The following GPR137C variants were observed in gnomAD, a reference collection of about 807,000 sequenced individuals.
GPR137C encodes the protein G protein-coupled receptor 137C.
A neutral mutation model predicts 43.4 loss-of-function variants in GPR137C; 27 were observed. That is an observed-to-expected ratio of 0.62 (90% confidence interval 0.46 to 0.86). GPR137C has a LOEUF of 0.86. Ranked by LOEUF, GPR137C falls within the 40% of genes least tolerant of loss-of-function variation. GPR137C has a pLI of 0.00. For missense variants in GPR137C, 522 were observed against 534.6 expected (o/e 0.98, Z 0.23); for synonymous variants, 285 against 226.9 (o/e 1.26, Z -2.30).
In GPR137C at chr14:52,574,331, A is replaced by G. The variant is rs150115185; in HGVS notation, c.444+20740A>G. ...TTGGAACCAACCCAAATGCCCATCAATGATAGACTGGATAAAGAAAATGTG... is the reference window on the plus strand; with the variant it reads ...TTGGAACCAACCCAAATGCCCATCAGTGATAGACTGGATAAAGAAAATGTG... On this transcript the variant is annotated intron_variant, in intron 1 of 6. Coordinates refer to ENST00000321662, the MANE Select transcript of GPR137C (RefSeq NM_001099652.2). Among the ~76,000 whole-genome samples, 658 of 152,330 alleles carry G rather than the reference A, an allele frequency of 4.3e-3. 11 individuals carry two copies. Among genetic ancestry groups the G allele is most frequent in the African/African-American group, 0.015 (629 of 41,562 alleles).
intron 1 of GPR137C, among the ~76,000 whole-genome samples, chr14:52,554,698 A>T (rs1248745688): frequency 7.7e-6 from 1 of 130,136 alleles, no homozygotes; most frequent in Non-Finnish European, 1.6e-5. Flanking sequence ...GAATTAATGT[A>T]GTTCCAAGCA....
rs1316955182 is a variant in GPR137C, at chr14:52,635,061, T to C, written c.1236T>C (p.Cys412=). ...ATACTGCTCCTTTGCTCTTTACTTG[T>C]AGTAATTTAGATTTGAACAATCATC... is the stretch of plus-strand genomic sequence containing the variant. ...MTDTAPLLFT[C]SNLDLNNHHS... Residue 412 remains cysteine, a synonymous_variant, in exon 7 of 7, where the codon TGT becomes TGC. Coordinates refer to ENST00000321662, the MANE Select transcript of GPR137C (RefSeq NM_001099652.2). 5 of 1,606,178 alleles carry C rather than the reference T, an allele frequency of 3.1e-6. No individual in the cohort carries two copies. Among genetic ancestry groups the C allele is most frequent in the African/African-American group, 1.3e-5 (1 of 74,462 alleles).
chr14:52,573,155 A>G (rs750181183), intron 1 of GPR137C, among the ~76,000 whole-genome samples: 3 of 152,338 alleles, frequency 2.0e-5, no homozygotes, highest in Non-Finnish European at 2.9e-5. Flanking sequence ...GCCCAAAGCA[A>G]TATCTAGATT....
intron 1 of GPR137C, among the ~76,000 whole-genome samples, chr14:52,566,156 A>G (rs896188865): frequency 6.6e-6 from 1 of 152,216 alleles, no homozygotes; most frequent in African/African-American, 2.4e-5. Flanking sequence ...CCCAGGGATC[A>G]TCATCCTTCT....
At chr14:52,590,142 A>T in intron 1 of GPR137C, among the ~76,000 whole-genome samples, 1 of 152,184 alleles carries the variant, frequency 6.6e-6, no homozygotes, top group Non-Finnish European at 1.5e-5. Context: ...AGACAGTGAT[A>T]CAGATGATCC....
At position 52,598,307 on chromosome 14, in the gene GPR137C, C is replaced by T. The variant is rs2038881228; in HGVS notation, c.480C>T (p.Asp160=). The part of the protein sequence containing the change: ...ICKVRCATEL[D]RHKILLHLGF... ...AAGTCAGATGTGCCACTGAACTTGA[C>T]AGACACAAGTAAGTTTTATGAGTAT... The change falls in exon 2 of 7, where the codon GAC becomes GAT. Residue 160 remains aspartate (D), a synonymous_variant. Transcript: ENST00000321662. The T allele has an allele frequency of 1.4e-6, 2 of 1,382,788 alleles. No individual in the cohort carries two copies. Among genetic ancestry groups the T allele is most frequent in the Middle Eastern group, 1.8e-4 (1 of 5,500 alleles). The allele number at this position is 1,382,788 out of a possible 1,614,324, so 85.7% of individuals were successfully genotyped here.
intron 3 of GPR137C, among the ~76,000 whole-genome samples, chr14:52,602,299 T>C (rs1045001491): frequency 1.3e-5 from 2 of 151,942 alleles, no homozygotes; most frequent in Non-Finnish European, 2.9e-5. Flanking sequence ...TTTCACTTTC[T>C]GGGGTTTTTT....
At chr14:52,612,094 T>C in intron 3 of GPR137C, 1 of 984,958 alleles carries the variant, frequency 1.0e-6, no homozygotes, top group Non-Finnish European at 1.2e-6. Flanking sequence ...CTTGCTGTTT[T>C]ATAGTTTTAT....
intron 1 of GPR137C, among the ~76,000 whole-genome samples, chr14:52,558,250 G>C (rs1486343671): frequency 6.6e-6 from 1 of 152,094 alleles, no homozygotes; most frequent in Non-Finnish European, 1.5e-5. Context: ...TGTCGTTGCA[G>C]GCTGTGCCTT....
intron 1 of GPR137C, among the ~76,000 whole-genome samples, chr14:52,595,212 C>T (rs575302200): frequency 1.2e-4 from 18 of 152,208 alleles, no homozygotes; most frequent in East Asian, 3.9e-4. Flanking sequence ...GGCTTCCCTT[C>T]GTGGGTAACC....
chr14:52,619,185 T>C (rs534384524), intron 3 of GPR137C, among the ~76,000 whole-genome samples: 10 of 152,270 alleles, frequency 6.6e-5, no homozygotes, highest in African/African-American at 2.4e-5. Flanking sequence ...ATATTTCTTA[T>C]CTTTCATACA....
intron 3 of GPR137C, among the ~76,000 whole-genome samples, chr14:52,610,688 G>T (rs1222072507): frequency 6.6e-6 from 1 of 152,188 alleles, no homozygotes; most frequent in African/African-American, 2.4e-5. Context: ...GACTGTAGTA[G>T]ATGTTCGGTA....
chr14:52,618,680 A>G (rs1237336893), intron 3 of GPR137C, among the ~76,000 whole-genome samples: 2 of 152,170 alleles, frequency 1.3e-5, no homozygotes, highest in Admixed American at 6.5e-5. Flanking sequence ...TAACATTAAA[A>G]CGCATGCTAA....
intron 1 of GPR137C, among the ~76,000 whole-genome samples, chr14:52,581,977 A>G (rs2038654075): frequency 6.6e-6 from 1 of 152,200 alleles, no homozygotes; most frequent in Non-Finnish European, 1.5e-5. Context: ...AAAATAAACG[A>G]TACACAGCTC....
chr14:52,584,949 G>A (rs969747825), intron 1 of GPR137C, among the ~76,000 whole-genome samples: 5 of 152,006 alleles, frequency 3.3e-5, no homozygotes, highest in Non-Finnish European at 5.9e-5. Context: ...AGAAAACCTT[G>A]CTAATTATAT....
At chr14:52,567,898 T>C (rs776329777) in intron 1 of GPR137C, among the ~76,000 whole-genome samples, 53 of 152,158 alleles carry the variant, frequency 3.5e-4, no homozygotes, top group Non-Finnish European at 6.3e-4. Context: ...GACCTCGTGA[T>C]CTGCCCGCCT....
chr14:52,555,297 T>C (rs1376698320), intron 1 of GPR137C, among the ~76,000 whole-genome samples: 1 of 152,158 alleles, frequency 6.6e-6, no homozygotes, highest in Non-Finnish European at 1.5e-5. Context: ...AACACTCTTT[T>C]TACTTCTTGA....
At chr14:52,565,486 G>A in intron 1 of GPR137C, among the ~76,000 whole-genome samples, 1 of 152,106 alleles carries the variant, frequency 6.6e-6, no homozygotes, top group Non-Finnish European at 1.5e-5. Context: ...CTTTGGATAT[G>A]CCATCTATGT....
chr14:52,561,557 A>G (rs964197782), intron 1 of GPR137C, among the ~76,000 whole-genome samples: 11 of 152,326 alleles, frequency 7.2e-5, no homozygotes, highest in Non-Finnish European at 1.2e-4. Context: ...TTATTCACAA[A>G]AACTCCACTG....
Sources: gnomAD v4.1 joint callset for allele counts (sites outside exome capture counted in the v4.1 genomes callset) on GRCh38, gnomAD v4.1.1 for gene constraint, MANE v1.5 for transcripts, NCBI Gene and HGNC (gene_info 2026-07-23, HGNC 2026-07-21) for gene names.